TGFB2: variants seen among roughly 807,000 people sequenced by gnomAD.
TGFB2 encodes the protein transforming growth factor beta 2.
Under a neutral mutation model 42.7 loss-of-function variants are expected in TGFB2, and 13 were observed. The observed-to-expected ratio is 0.30, with a 90% CI of 0.20 to 0.48. TGFB2 has a LOEUF of 0.48. TGFB2 is among the 20% of genes least tolerant of loss of function. The pLI, the probability that TGFB2 is intolerant of heterozygous loss-of-function variation, is 0.99. For missense variants in TGFB2, 390 were observed against 517.5 expected (o/e 0.75, Z 2.39); for synonymous variants, 193 against 193.6 (o/e 1.00, Z 0.03).
At chr1:218,395,821 A>G (rs1658490473) in intron 1 of TGFB2, among the ~76,000 whole-genome samples, 1 of 151,940 alleles carries the variant, frequency 6.6e-6, no homozygotes, top group Non-Finnish European at 1.5e-5. Flanking sequence ...TCACCATGTT[A>G]GCCAGGATGG....
intron 1 of TGFB2, among the ~76,000 whole-genome samples, chr1:218,403,617 T>C (rs1384954412): frequency 6.6e-6 from 1 of 152,200 alleles, no homozygotes; most frequent in African/African-American, 2.4e-5. Flanking sequence ...TGACCAACTA[T>C]GCAAACGGGA....
chr1:218,379,155 C>T (rs1459364155), intron 1 of TGFB2, among the ~76,000 whole-genome samples: 6 of 137,900 alleles, frequency 4.4e-5, no homozygotes, highest in East Asian at 2.1e-4. Context: ...TTTTTAGAGA[C>T]GGAGTCTCAC....
intron 2 of TGFB2, among the ~76,000 whole-genome samples, chr1:218,414,204 T>G (rs1330541104): frequency 6.6e-6 from 1 of 150,388 alleles, no homozygotes; most frequent in Non-Finnish European, 1.5e-5. Context: ...AATTGCCTCT[T>G]TTTCCTAACC....
intron 1 of TGFB2, among the ~76,000 whole-genome samples, chr1:218,384,069 A>T (rs1198559444): frequency 6.6e-6 from 1 of 152,232 alleles, no homozygotes; most frequent in African/African-American, 2.4e-5. Context: ...AAATAATATA[A>T]GGTCACAGAT....
intron 1 of TGFB2, among the ~76,000 whole-genome samples, chr1:218,350,403 C>T (rs1275206230): frequency 6.6e-6 from 1 of 152,068 alleles, no homozygotes; most frequent in Non-Finnish European, 1.5e-5. Context: ...TTTAGTGGGT[C>T]AGCCAGGGAT....
intron 2 of TGFB2, among the ~76,000 whole-genome samples, chr1:218,416,509 T>A (rs1659286481): frequency 6.6e-6 from 1 of 152,236 alleles, no homozygotes; most frequent in South Asian, 2.1e-4. Context: ...AAGGTAGTGT[T>A]GATTTTTGAA....
intron 1 of TGFB2, among the ~76,000 whole-genome samples, chr1:218,375,046 T>TA (rs1477954996): frequency 6.6e-6 from 1 of 152,190 alleles, no homozygotes; most frequent in African/African-American, 2.4e-5. Context: ...GATTTTTTTT[T>TA]ATTGCTAAAT....
chr1:218,394,276 C>A (rs1658422867), intron 1 of TGFB2, among the ~76,000 whole-genome samples: 1 of 152,092 alleles, frequency 6.6e-6, no homozygotes, highest in Admixed American at 6.6e-5. Flanking sequence ...CTGCTAACAC[C>A]CAGTACACCC....
intron 1 of TGFB2, among the ~76,000 whole-genome samples, chr1:218,360,894 A>G (rs1657187264): frequency 6.6e-6 from 1 of 152,104 alleles, no homozygotes; most frequent in Non-Finnish European, 1.5e-5. Context: ...TCACTGTGTC[A>G]CCCAGGCTGG....
In TGFB2 at chr1:218,443,931, G is replaced by A. The variant is rs1309862887; in HGVS notation, c.*2569G>A. The A allele has an allele frequency of 6.6e-6, 1 of 152,104 alleles. No homozygotes were observed. The highest frequency in any genetic ancestry group is 1.5e-5 in the Non-Finnish European group (1 of 68,008). 9.4% of individuals were successfully genotyped at this position (152,104 alleles called of 1,614,324 possible). Reference sequence around the variant, plus strand: ...TTGTATTTTGATGACCAATTACGCTGTATTTTAACACGATGTATGTCTGTT... The same window carrying A: ...TTGTATTTTGATGACCAATTACGCTATATTTTAACACGATGTATGTCTGTT... On this transcript the variant is annotated 3_prime_UTR_variant, in exon 7 of 7. Coordinates refer to ENST00000366930, the MANE Select transcript of TGFB2 (RefSeq NM_003238.6).
Position 218,346,342 on chromosome 1 carries a change from C to G in TGFB2, c.-360C>G, listed in dbSNP as rs531669662. On this transcript the variant is annotated 5_prime_UTR_variant, in exon 1 of 7. Coordinates refer to ENST00000366930, the MANE Select transcript of TGFB2 (RefSeq NM_003238.6). This position sits in a 1 kb window ranked among gnomAD's most constrained non-coding sequence, Gnocchi z 4.9. ...CGCCACTCCGCACCCGAGACTGACA[C>G]ACTGAACTCCACTTCCTCCTCTTAA... is the stretch of plus-strand genomic sequence containing the variant. 2 of 186,558 alleles carry G rather than the reference C, an allele frequency of 1.1e-5. No individual in the cohort carries two copies. Among genetic ancestry groups the G allele is most frequent in the South Asian group, 2.4e-4 (2 of 8,304 alleles). 11.6% of individuals were successfully genotyped at this position (186,558 alleles called of 1,614,324 possible).
At chr1:218,440,611 T>A (rs535898425) in intron 6 of TGFB2, among the ~76,000 whole-genome samples, 1 of 152,218 alleles carries the variant, frequency 6.6e-6, no homozygotes, top group Admixed American at 6.5e-5. Context: ...AGATTAAAGC[T>A]CTTATGAGAG....
At chr1:218,355,572 T>C (rs1054265503) in intron 1 of TGFB2, among the ~76,000 whole-genome samples, 1 of 152,240 alleles carries the variant, frequency 6.6e-6, no homozygotes, top group Admixed American at 6.5e-5. Flanking sequence ...ATCTTGGCTC[T>C]GCCACTGTCG....
At chr1:218,394,041 G>C (rs2102581795) in intron 1 of TGFB2, among the ~76,000 whole-genome samples, 1 of 152,128 alleles carries the variant, frequency 6.6e-6, no homozygotes, top group African/African-American at 2.4e-5. Flanking sequence ...CGAGTAGCTG[G>C]GATTACAGGT....
intron 1 of TGFB2, among the ~76,000 whole-genome samples, chr1:218,351,954 C>G (rs1656880126): frequency 6.6e-6 from 1 of 152,212 alleles, no homozygotes; most frequent in Non-Finnish European, 1.5e-5. Flanking sequence ...AGTTCACTGA[C>G]TTGTAGGCCT....
chr1:218,437,542 T>G (rs752826320), intron 6 of TGFB2, 46 bp downstream of exon 6: 2 of 1,547,926 alleles, frequency 1.3e-6, no homozygotes, highest in Admixed American at 1.9e-5. Flanking sequence ...GGTTACCATG[T>G]GCACCTGCTG....
At chr1:218,395,440 T>G (rs1658472674) in intron 1 of TGFB2, among the ~76,000 whole-genome samples, 1 of 152,182 alleles carries the variant, frequency 6.6e-6, no homozygotes, top group Admixed American at 6.5e-5. Flanking sequence ...CTCCATTGCA[T>G]GTGTTGGTGT....
chr1:218,394,488 T>C (rs1658431626), intron 1 of TGFB2, among the ~76,000 whole-genome samples: 1 of 151,918 alleles, frequency 6.6e-6, no homozygotes, highest in African/African-American at 2.4e-5. Context: ...TTTTGCGCAG[T>C]GTAAGAAGGA....
rs1660176353 is a variant in TGFB2, at chr1:218,442,209, T to C, written c.*847T>C. ...TTGTCAGTTTAGTAAACCAGTGAAA[T>C]GTTGAAATGTTTTGACATGTACTGG... On this transcript the variant is annotated 3_prime_UTR_variant, in exon 7 of 7. Coordinates refer to ENST00000366930, the MANE Select transcript of TGFB2 (RefSeq NM_003238.6). The C allele has an allele frequency of 6.6e-6, 1 of 152,138 alleles. No homozygotes were observed. The highest frequency in any genetic ancestry group is 1.5e-5 in the Non-Finnish European group (1 of 67,994). 9.4% of individuals were successfully genotyped at this position (152,138 alleles called of 1,614,324 possible).
Sources: allele counts gnomAD v4.1 joint callset (sites outside exome capture counted in the v4.1 genomes callset), GRCh38; gene constraint gnomAD v4.1.1; non-coding constraint Gnocchi (gnomAD v3.1); transcripts MANE v1.5; gene names NCBI Gene and HGNC (gene_info 2026-07-23, HGNC 2026-07-21).